Variants in MAP2K6 observed in about 807,000 individuals in gnomAD.
MAP2K6 encodes mitogen-activated protein kinase kinase 6.
Under a neutral mutation model 53.7 loss-of-function variants are expected in MAP2K6, and 16 were observed. The observed-to-expected ratio is 0.30, with a 90% CI of 0.20 to 0.45. The LOEUF is 0.45. Ranked by LOEUF, MAP2K6 falls within the 20% of genes least tolerant of loss-of-function variation. The pLI is 1.00. For missense variants in MAP2K6, 204 were observed against 411.9 expected (o/e 0.50, Z 4.37); for synonymous variants, 132 against 143.1 (o/e 0.92, Z 0.55).
chr17:69,446,379 G>A (rs1906963882), intron 1 of MAP2K6, among the ~76,000 whole-genome samples: 1 of 152,238 alleles, frequency 6.6e-6, no homozygotes, highest in Admixed American at 6.5e-5. Context: ...TATACTAAAT[G>A]TTAAGAGATT....
At chr17:69,471,563 C>T (rs1046744137) in intron 1 of MAP2K6, among the ~76,000 whole-genome samples, 3 of 152,088 alleles carry the variant, frequency 2.0e-5, no homozygotes, top group African/African-American at 7.2e-5. Context: ...ACCTACTAGG[C>T]GCAATGTTCA....
chr17:69,513,176 C>G (rs1343920213), intron 2 of MAP2K6, among the ~76,000 whole-genome samples: 1 of 152,204 alleles, frequency 6.6e-6, no homozygotes, highest in Non-Finnish European at 1.5e-5. Context: ...TCAGTCTTGG[C>G]CCCATCATTT....
At chr17:69,493,581 C>T (rs944947465) in intron 1 of MAP2K6, among the ~76,000 whole-genome samples, 12 of 151,802 alleles carry the variant, frequency 7.9e-5, no homozygotes, top group African/African-American at 2.2e-4. Context: ...GCCAGCATGG[C>T]GAAACCCCGT....
At chr17:69,485,406 GT>G in intron 1 of MAP2K6, 1 of 880,308 alleles carries the variant, frequency 1.1e-6, no homozygotes, top group Non-Finnish European at 1.4e-6. Context: ...TTGCAGAGTT[GT>G]TTGCCTGTTT....
At chr17:69,526,540 T>C in intron 9 of MAP2K6, 30 bp from the exon 10 acceptor site, 1 of 1,609,048 alleles carries the variant, frequency 6.2e-7, no homozygotes, top group Non-Finnish European at 8.5e-7. Flanking sequence ...CTGTTGAAAC[T>C]GTTGTCTCCT....
rs1049892038 is a variant in MAP2K6, at chr17:69,519,199, A to G, written c.247-114A>G. 3.9e-5 allele frequency: 48 copies of G among 1,220,868 alleles called. No homozygotes were observed. The South Asian group carries it at 5.9e-4, about 15-fold the overall frequency. 75.6% of individuals were successfully genotyped at this position (1,220,868 alleles called of 1,614,324 possible). A position where few individuals can be genotyped will look rare whatever the true frequency, so the allele number is the denominator to read the frequency against. The stretch of plus-strand genomic sequence containing the variant: ...TAATCACTTTGGGTGGCTATTCACA[A>G]TGTCATCGCCAGAACTTGTGTCATG... On this transcript the variant is annotated intron_variant, in intron 4 of 11. Transcript: ENST00000590474.
At chr17:69,464,436 C>G (rs1414962201) in intron 1 of MAP2K6, among the ~76,000 whole-genome samples, 1 of 152,086 alleles carries the variant, frequency 6.6e-6, no homozygotes, top group Admixed American at 6.5e-5. Context: ...GGCTGGAGTG[C>G]AGAGGCACGA....
intron 1 of MAP2K6, among the ~76,000 whole-genome samples, chr17:69,493,540 C>G (rs762121641): frequency 6.6e-6 from 1 of 152,136 alleles, no homozygotes; most frequent in African/African-American, 2.4e-5. Flanking sequence ...GCAGGCAGAT[C>G]ACCTGAGGTC....
chr17:69,458,857 C>T (rs1907515778), intron 1 of MAP2K6, among the ~76,000 whole-genome samples: 1 of 152,210 alleles, frequency 6.6e-6, no homozygotes, highest in Non-Finnish European at 1.5e-5. Flanking sequence ...TCTGCCTTCT[C>T]TTCCCACTTC....
Position 69,546,794 on chromosome 17 carries a change from T to G in MAP2K6, c.*5041T>G, listed in dbSNP as rs541986584. 6.6e-6 allele frequency: 1 copy of G among 152,348 alleles called. No individual in the cohort carries two copies. The highest frequency in any genetic ancestry group is 1.9e-4 in the East Asian group (1 of 5,192). The allele number at this position is 152,348 out of a possible 1,614,324, so 9.4% of individuals were successfully genotyped here. A position where few individuals can be genotyped will look rare whatever the true frequency, so the allele number is the denominator to read the frequency against. The stretch of plus-strand genomic sequence containing the variant: ...TTTGTTGGCTCAAAGGATCTTCTGC[T>G]TTTAATGAATTAGCAAGTGAAAAGG... On this transcript the variant is annotated 3_prime_UTR_variant, in exon 12 of 12. Coordinates refer to ENST00000590474, the MANE Select transcript of MAP2K6 (RefSeq NM_002758.4).
At chr17:69,464,316 G>A (rs1029061120) in intron 1 of MAP2K6, among the ~76,000 whole-genome samples, 21 of 151,958 alleles carry the variant, frequency 1.4e-4, no homozygotes, top group Admixed American at 7.9e-4. Flanking sequence ...GTTATTGCAC[G>A]TTTAGTATAG....
chr17:69,437,784 T>C (rs1045324425), intron 1 of MAP2K6, among the ~76,000 whole-genome samples: 1 of 152,262 alleles, frequency 6.6e-6, no homozygotes, highest in Non-Finnish European at 1.5e-5. Context: ...ACTTTCTGCC[T>C]CTTTGGATTC....
At chr17:69,435,335 G>T (rs1906603690) in intron 1 of MAP2K6, 1 of 152,032 alleles carries the variant, frequency 6.6e-6, no homozygotes, top group Non-Finnish European at 1.5e-5. Flanking sequence ...AGGATTTCGA[G>T]ACCAACCTGG....
intron 1 of MAP2K6, among the ~76,000 whole-genome samples, chr17:69,467,662 T>C (rs1249394128): frequency 6.6e-6 from 1 of 152,242 alleles, no homozygotes; most frequent in Non-Finnish European, 1.5e-5. Context: ...AAAATGTTAA[T>C]GTGTACATAT....
intron 1 of MAP2K6, among the ~76,000 whole-genome samples, chr17:69,472,615 G>T (rs1282851363): frequency 6.6e-6 from 1 of 152,176 alleles, no homozygotes; most frequent in Non-Finnish European, 1.5e-5. Context: ...TGTCCAGGTT[G>T]GGTCCCAGCT....
At chr17:69,526,909 C>T (rs1910805609) in intron 10 of MAP2K6, among the ~76,000 whole-genome samples, 200 bp downstream of exon 10, 1 of 152,104 alleles carries the variant, frequency 6.6e-6, no homozygotes, top group Admixed American at 6.6e-5. Context: ...AGAGAAGTCT[C>T]ATAAATGAAT....
At chr17:69,528,696 T>TA (rs762063847) in intron 10 of MAP2K6, among the ~76,000 whole-genome samples, 17 of 151,486 alleles carry the variant, frequency 1.1e-4, no homozygotes, top group Non-Finnish European at 2.5e-4. Context: ...CCATCTCTGC[T>TA]AAAAATACAA....
chr17:69,414,862 A>G lies in MAP2K6; in HGVS notation c.-123A>G. Reference sequence around the variant, plus strand: ...AAGTCCATCTGCTGCATCGGTCAAGAGAAACTCCACTTGCATGAAGATTGC... The same window carrying G: ...AAGTCCATCTGCTGCATCGGTCAAGGGAAACTCCACTTGCATGAAGATTGC... On this transcript the variant is annotated 5_prime_UTR_variant, in exon 1 of 12. Coordinates refer to ENST00000590474, the MANE Select transcript of MAP2K6 (RefSeq NM_002758.4). The G allele has an allele frequency of 1.2e-6, 1 of 843,442 alleles. No homozygotes were observed. 52.2% of individuals were successfully genotyped at this position (843,442 alleles called of 1,614,324 possible).
At chr17:69,471,917 A>G (rs1020147845) in intron 1 of MAP2K6, among the ~76,000 whole-genome samples, 1 of 152,224 alleles carries the variant, frequency 6.6e-6, no homozygotes, top group African/African-American at 2.4e-5. Context: ...ATGATTTAAA[A>G]ATTACTATCT....
Sources: gnomAD v4.1 joint callset for allele counts (sites outside exome capture counted in the v4.1 genomes callset) on GRCh38, gnomAD v4.1.1 for gene constraint, MANE v1.5 for transcripts, NCBI Gene and HGNC (gene_info 2026-07-23, HGNC 2026-07-21) for gene names.